The following ALX4 variants were observed in gnomAD, a reference collection of about 807,000 sequenced individuals.
The protein encoded by ALX4 is homeobox protein aristaless-like 4.
ALX4 carries 22 observed loss-of-function variants against 40.6 expected under a neutral mutation model. That is an observed-to-expected ratio of 0.54 (90% CI 0.39 to 0.77). The LOEUF (loss-of-function observed/expected upper bound fraction) is 0.77. Ranked by LOEUF, ALX4 falls within the 30% of genes least tolerant of loss-of-function variation. The pLI is 0.00. For missense variants in ALX4, 556 were observed against 564.8 expected (o/e 0.98, Z 0.16); for synonymous variants, 266 against 240.5 (o/e 1.11, Z -0.98).
At position 44,309,920 on chromosome 11, in the gene ALX4, A is replaced by G. The variant is rs745685096; in HGVS notation, c.143T>C (p.Leu48Pro). 3.1e-6 allele frequency: 5 copies of G among 1,591,978 alleles called. No individual in the cohort carries two copies. Among genetic ancestry groups the G allele is most frequent in the Non-Finnish European group, 2.6e-6 (3 of 1,168,914 alleles). The change falls in exon 1 of 4, where the codon CTG becomes CCG. Residue 48 changes from leucine (L) to proline (P), a missense_variant. Transcript: ENST00000652299. ...PGGDKFGTTFLSAAAKAQGFG... is the reference protein window; with the variant it reads ...PGGDKFGTTFPSAAAKAQGFG... ...TCCCTGTGCTTTGGCGGCGGCCGAC[A>G]GGAAAGTTGTGCCGAACTTGTCGCC...
chr11:44,297,849 C>G (rs540914127), intron 1 of ALX4, among the ~76,000 whole-genome samples: 2 of 152,308 alleles, frequency 1.3e-5, no homozygotes, highest in East Asian at 1.9e-4. Context: ...TTCCCTTACC[C>G]GAAGACTTAG....
At chr11:44,267,696 A>T in intron 2 of ALX4, 74 bp from the exon 3 acceptor site, 1 of 1,604,674 alleles carries the variant, frequency 6.2e-7, no homozygotes, top group African/African-American at 1.3e-5. Flanking sequence ...GGCAGTGCAA[A>T]CTGTTCCCTT....
intron 1 of ALX4, among the ~76,000 whole-genome samples, chr11:44,284,348 G>A (rs952868457): frequency 6.6e-6 from 1 of 152,150 alleles, no homozygotes; most frequent in Non-Finnish European, 1.5e-5. Context: ...TCTGTGCTGT[G>A]GGATTATGGG....
chr11:44,270,180 G>T (rs1210637794), intron 2 of ALX4, among the ~76,000 whole-genome samples: 1 of 152,154 alleles, frequency 6.6e-6, no homozygotes, highest in Non-Finnish European at 1.5e-5. Context: ...GTGGGGCGCG[G>T]GCTCGCTGGA....
chr11:44,289,511 T>C (rs1328924209), intron 1 of ALX4, among the ~76,000 whole-genome samples: 13 of 152,128 alleles, frequency 8.5e-5, no homozygotes, highest in Admixed American at 8.5e-4. Context: ...CAAGATCACA[T>C]AGCTAGGAGG....
At chr11:44,274,502 G>GTGTTT (rs1179219998) in intron 2 of ALX4, among the ~76,000 whole-genome samples, 1 of 152,034 alleles carries the variant, frequency 6.6e-6, no homozygotes, top group African/African-American at 2.4e-5. Flanking sequence ...GTGTTGTGTT[G>GTGTTT]TGTTAGGTTG....
At chr11:44,277,870 T>C (rs924977940) in intron 1 of ALX4, among the ~76,000 whole-genome samples, 5 of 152,246 alleles carry the variant, frequency 3.3e-5, no homozygotes, top group Admixed American at 2.6e-4. Flanking sequence ...GCATCACGCA[T>C]GACACCTGTG....
chr11:44,295,372 A>G (rs1015428105), intron 1 of ALX4, among the ~76,000 whole-genome samples: 2 of 152,226 alleles, frequency 1.3e-5, no homozygotes, highest in East Asian at 1.9e-4. Context: ...GTGTAGCACA[A>G]TTGTGGAATG....
chr11:44,273,110 G>A lies in ALX4; in HGVS notation c.777+2238C>T, dbSNP rs181855751. 8.6e-5 allele frequency among the ~76,000 whole-genome samples: 13 copies of A among 151,636 alleles called. No homozygotes were observed. In the East Asian group the frequency reaches 2.5e-3, roughly 30 times the overall value. ...GTTAATTCAAGAGTCCCTGGGGCCT[G>A]CTGAGGATTGCAGGGTTGGGGCATC... On this transcript the variant is annotated intron_variant, in intron 2 of 3. Transcript: ENST00000652299.
intron 1 of ALX4, among the ~76,000 whole-genome samples, chr11:44,305,432 C>A (rs970176078): frequency 1.3e-5 from 2 of 152,202 alleles, no homozygotes; most frequent in Non-Finnish European, 1.5e-5. Context: ...AAACAACAGT[C>A]GCCCCTTCCT....
intron 1 of ALX4, among the ~76,000 whole-genome samples, chr11:44,275,862 A>G (rs540169883): frequency 1.1e-4 from 16 of 152,214 alleles, no homozygotes; most frequent in South Asian, 4.2e-4. Context: ...CTCTTCCCCA[A>G]TCTGAGCCTC....
chr11:44,284,158 A>G (rs2119832562), intron 1 of ALX4, among the ~76,000 whole-genome samples: 1 of 151,186 alleles, frequency 6.6e-6, no homozygotes, highest in Non-Finnish European at 1.5e-5. Flanking sequence ...AGAAAATACT[A>G]CAAGTTTCCA....
rs772691401 is a variant in ALX4, at chr11:44,309,716, G to C, written c.347C>G (p.Pro116Arg). 22 of 1,571,358 alleles carry C rather than the reference G, an allele frequency of 1.4e-5. No individual in the cohort carries two copies. The highest frequency in any genetic ancestry group is 2.7e-5 in the African/African-American group (2 of 73,238). The change falls in exon 1 of 4, where the codon CCG becomes CGG. Residue 116 changes from proline to arginine, a missense_variant. By Grantham distance (103) the Pro-to-Arg change is moderately radical. Coordinates refer to ENST00000652299, the MANE Select transcript of ALX4 (RefSeq NM_021926.4). ...QPQQQQPQPQ[P>R]PAQPHLYLQR... ...CAAGTAAAGATGCGGTTGCGCGGGCGGCTGGGGCTGCGGCTGCTGCTGCTG... is the reference window on the plus strand; with the variant it reads ...CAAGTAAAGATGCGGTTGCGCGGGCCGCTGGGGCTGCGGCTGCTGCTGCTG...
intron 1 of ALX4, among the ~76,000 whole-genome samples, chr11:44,309,177 G>GCCCCGCAGCC: frequency 8.7e-6 from 1 of 114,290 alleles, no homozygotes; most frequent in South Asian, 2.8e-4. Flanking sequence ...CAGCCCCGCA[G>GCCCCGCAGCC]CCTCGCAGCC....
At chr11:44,268,217 G>A (rs1956224406) in intron 2 of ALX4, among the ~76,000 whole-genome samples, 1 of 152,222 alleles carries the variant, frequency 6.6e-6, no homozygotes. Context: ...AGACTTCCTG[G>A]AGGAGGGACA....
intron 1 of ALX4, among the ~76,000 whole-genome samples, chr11:44,288,762 C>A (rs528671746): frequency 3.3e-5 from 5 of 152,304 alleles, no homozygotes; most frequent in South Asian, 2.1e-4. Context: ...ACTGTTGGAA[C>A]TTAAAAGTTT....
intron 1 of ALX4, among the ~76,000 whole-genome samples, chr11:44,295,998 A>C (rs565392892): frequency 2.8e-4 from 43 of 152,290 alleles, no homozygotes; most frequent in African/African-American, 9.6e-4. Context: ...CCTTGAGCTG[A>C]ATTTCTGTGA....
rs1346150090 is a variant in ALX4 at position 44,309,709 on chromosome 11, C to T, written c.354G>A (p.Ala118=). ...QQQQPQPQPP[A]QPHLYLQRGA... is the part of the protein sequence containing the mutation. ...CTCGCTGCAAGTAAAGATGCGGTTGCGCGGGCGGCTGGGGCTGCGGCTGCT... is the reference window on the plus strand; with the variant it reads ...CTCGCTGCAAGTAAAGATGCGGTTGTGCGGGCGGCTGGGGCTGCGGCTGCT... Residue 118 remains alanine, a synonymous_variant, in exon 1 of 4, where the codon GCG becomes GCA. Coordinates refer to ENST00000652299, the MANE Select transcript of ALX4 (RefSeq NM_021926.4). 2 of 1,579,200 alleles carry T rather than the reference C, an allele frequency of 1.3e-6. No homozygotes were observed. Among genetic ancestry groups the T allele is most frequent in the Admixed American group, 1.8e-5 (1 of 56,452 alleles).
intron 1 of ALX4, among the ~76,000 whole-genome samples, chr11:44,300,129 A>C (rs1956426816): frequency 6.6e-6 from 1 of 152,114 alleles, no homozygotes. Flanking sequence ...GGCAGACTGG[A>C]CCAGCCTTCC....
Sources: allele counts gnomAD v4.1 joint callset (sites outside exome capture counted in the v4.1 genomes callset), GRCh38; gene constraint gnomAD v4.1.1; transcripts MANE v1.5; gene names NCBI Gene and HGNC (gene_info 2026-07-23, HGNC 2026-07-21).